TRAF3IP3: variants seen among roughly 807,000 people sequenced by gnomAD.
TRAF3IP3 encodes TRAF3 interacting protein 3, also known as TRAF3-interacting JNK-activating modulator.
Under a neutral mutation model 86.5 loss-of-function variants are expected in TRAF3IP3, and 64 were observed. The ratio of observed to expected loss-of-function variants is 0.74; its 90% CI spans 0.60 to 0.91. TRAF3IP3 has a LOEUF of 0.91. Among genes scored for constraint, TRAF3IP3 ranks in the 40% least tolerant of loss-of-function variants. The pLI is 0.00. For synonymous variants in TRAF3IP3, 220 were observed against 243.9 expected, an observed-to-expected ratio of 0.90 and a Z score of 0.91; for missense variants, 579 against 642.9, an observed-to-expected ratio of 0.90 and a Z score of 1.07.
At chr1:209,764,362 G>T (rs76231148) in intron 8 of TRAF3IP3, among the ~76,000 whole-genome samples, 1,632 of 152,296 alleles carry the variant, frequency 0.011, 28 homozygotes, top group African/African-American at 0.036. Context: ...CTCCAGAGAA[G>T]AAAAGAGCCA....
chr1:209,758,710 C>T (rs2294407), intron 1 of TRAF3IP3: 21,223 of 152,138 alleles, frequency 0.14, 1,832 homozygotes, highest in East Asian at 0.22. Context: ...AGGGGGAGTC[C>T]CTCTTCCTTC....
chr1:209,781,872 G>A (rs1170255741), intron 16 of TRAF3IP3, 184 bp from the exon 17 acceptor site: 2 of 589,448 alleles, frequency 3.4e-6, no homozygotes, highest in African/African-American at 1.9e-5. Context: ...CTGGGCCAGA[G>A]AACATTGGTT....
chr1:209,777,686 GTAGA>G, intron 12 of TRAF3IP3, 199 bp downstream of exon 12: 1 of 572,094 alleles, frequency 1.7e-6, no homozygotes, highest in Non-Finnish European at 3.0e-6. Context: ...TTTCACTGTA[GTAGA>G]TAGAGTATCT....
chr1:209,768,112 A>G (rs573177555), intron 8 of TRAF3IP3: 29 of 984,644 alleles, frequency 2.9e-5, no homozygotes, highest in Middle Eastern at 5.2e-4. Context: ...CTCAACTCCA[A>G]TAAAAGTATA....
intron 15 of TRAF3IP3, 41 bp from the exon 16 acceptor site, chr1:209,781,304 G>C (rs2077773720): frequency 6.9e-7 from 1 of 1,446,818 alleles, no homozygotes. Context: ...CTCTGTCCTA[G>C]ACAGAAGTGA....
In TRAF3IP3 at chr1:209,778,096, T is replaced by A. The variant is rs2077696814; in HGVS notation, c.1190-15T>A. On this transcript the variant is annotated splice_polypyrimidine_tract_variant and intron_variant, in intron 12 of 16. Coordinates refer to ENST00000367025, the MANE Select transcript of TRAF3IP3 (RefSeq NM_025228.4). ...TTGGGTTCCTTTATTTTGGCTTGCA[T>A]TATTGCATTTTCAGATCAACTAAAA... The A allele has an allele frequency of 6.2e-7, 1 of 1,613,260 alleles. No homozygotes were observed. The highest frequency in any genetic ancestry group is 1.7e-5 in the Admixed American group (1 of 59,976).
At chr1:209,764,940 T>C (rs112886464) in intron 8 of TRAF3IP3, among the ~76,000 whole-genome samples, 4 of 151,718 alleles carry the variant, frequency 2.6e-5, no homozygotes, top group African/African-American at 9.7e-5. Context: ...TTTGGAAGGC[T>C]GATGCAGGAA....
chr1:209,770,660 G>GGT (rs562221009), intron 8 of TRAF3IP3, among the ~76,000 whole-genome samples: 4 of 142,064 alleles, frequency 2.8e-5, no homozygotes, highest in Non-Finnish European at 4.6e-5. Flanking sequence ...TGCATGTGAA[G>GGT]GTGTGTGTGT....
chr1:209,777,341 C>T lies in TRAF3IP3; in HGVS notation c.1054-11C>T, dbSNP rs1369648170. On this transcript the variant is annotated splice_polypyrimidine_tract_variant and intron_variant, in intron 11 of 16. Coordinates refer to ENST00000367025, the MANE Select transcript of TRAF3IP3 (RefSeq NM_025228.4). ...ACCTCCTTCTATATTGGCCCTTCCT[C>T]CTCCTTACAGGGAGCAGATAGCAGG... is the stretch of plus-strand genomic sequence containing the variant. 3.7e-6 allele frequency: 6 copies of T among 1,612,136 alleles called. No homozygotes were observed. Among genetic ancestry groups the T allele is most frequent in the South Asian group, 2.2e-5 (2 of 90,902 alleles).
At chr1:209,765,227 G>GAGGAAGGAAGGAAGGAAGGA (rs60018350) in intron 8 of TRAF3IP3, among the ~76,000 whole-genome samples, 4 of 58,292 alleles carry the variant, frequency 6.9e-5, no homozygotes, top group East Asian at 9.4e-4. Context: ...GAGAGAGAGA[G>GAGGAAGGAAGGAAGGAAGGA]AGGAAGGAAG....
intron 8 of TRAF3IP3, among the ~76,000 whole-genome samples, chr1:209,767,741 C>T (rs761317665): frequency 2.0e-5 from 3 of 151,726 alleles, no homozygotes; most frequent in Non-Finnish European, 2.9e-5. Context: ...ACCCTGGCTC[C>T]AAGCAGGGGT....
At position 209,781,368 on chromosome 1, in the gene TRAF3IP3, A is replaced by G. The variant is rs762274221; in HGVS notation, c.1473A>G (p.Leu491=). ...EKECRELHSE[L]DNLSDEYLSC... ...AGTGCAGAGAACTGCATTCAGAATTAGACAACCTCAGTGACGAGTATCTCT... is the reference window on the plus strand; with the variant it reads ...AGTGCAGAGAACTGCATTCAGAATTGGACAACCTCAGTGACGAGTATCTCT... The change falls in exon 16 of 17, where the codon TTA becomes TTG. Residue 491 remains leucine, a synonymous_variant. Transcript: ENST00000367025. 3 of 1,613,050 alleles carry G rather than the reference A, an allele frequency of 1.9e-6. No homozygotes were observed. The highest frequency in any genetic ancestry group is 2.2e-5 in the East Asian group (1 of 44,852).
chr1:209,759,948 C>A, intron 2 of TRAF3IP3, 34 bp from the exon 3 acceptor site: 2 of 1,061,924 alleles, frequency 1.9e-6, no homozygotes, highest in South Asian at 2.8e-5. Flanking sequence ...ATCTTCTGAC[C>A]CCTCCCCTTC....
At chr1:209,778,030 C>T in intron 12 of TRAF3IP3, 81 bp from the exon 13 acceptor site, 1 of 1,204,326 alleles carries the variant, frequency 8.3e-7, no homozygotes, top group Non-Finnish European at 1.2e-6. Flanking sequence ...AAGACAGCAT[C>T]TATTACTAAT....
chr1:209,780,818 T>C lies in TRAF3IP3; in HGVS notation c.1449+212T>C, dbSNP rs546800922. 3.1e-5 allele frequency: 11 copies of C among 349,412 alleles called. No homozygotes were observed. In the South Asian group the frequency reaches 9.7e-4, roughly 31 times the overall value. The allele number at this position is 349,412 out of a possible 1,614,324, so 21.6% of individuals were successfully genotyped here. A position where few individuals can be genotyped will look rare whatever the true frequency, so the allele number is the denominator to read the frequency against. ...AACTCCTATTCAAGGTTTTATTAAATGATTACCTTTTAGAAAGTCGACCAA... is the reference window on the plus strand; with the variant it reads ...AACTCCTATTCAAGGTTTTATTAAACGATTACCTTTTAGAAAGTCGACCAA... On this transcript the variant is annotated intron_variant, in intron 15 of 16. Transcript: ENST00000367025.
chr1:209,775,300 G>T (rs2077627918), intron 9 of TRAF3IP3, 49 bp from the exon 10 acceptor site: 2 of 1,540,260 alleles, frequency 1.3e-6, no homozygotes, highest in South Asian at 2.4e-5. Flanking sequence ...CTCAGGATTT[G>T]GCACACAGAA....
rs1478105199 is a variant in TRAF3IP3 at position 209,779,120 on chromosome 1, G to T, written c.1253-195G>T. The T allele has an allele frequency of 8.4e-6, 5 of 597,372 alleles. No individual in the cohort carries two copies. The Admixed American group carries it at 9.2e-5, about 11-fold the overall frequency. The allele number at this position is 597,372 out of a possible 1,614,324, so 37.0% of individuals were successfully genotyped here. ...CATTTTAACTTGATTATCTTTTAAA[G>T]AATCTATCTCCAAATAAGGTCATTA... On this transcript the variant is annotated intron_variant, in intron 13 of 16. Transcript: ENST00000367025.
At chr1:209,766,890 C>T (rs2077367580) in intron 8 of TRAF3IP3, among the ~76,000 whole-genome samples, 1 of 152,076 alleles carries the variant, frequency 6.6e-6, no homozygotes, top group South Asian at 2.1e-4. Context: ...GGAAAGAAAC[C>T]ATTTTAGCTG....
intron 9 of TRAF3IP3, among the ~76,000 whole-genome samples, chr1:209,773,479 C>T (rs1385425565): frequency 2.0e-5 from 3 of 152,226 alleles, no homozygotes; most frequent in Non-Finnish European, 2.9e-5. Flanking sequence ...AATGTAAAAG[C>T]TCTTTTACTT....
Sources: allele counts gnomAD v4.1 joint callset (sites outside exome capture counted in the v4.1 genomes callset), GRCh38; gene constraint gnomAD v4.1.1; transcripts MANE v1.5; gene names NCBI Gene and HGNC (gene_info 2026-07-23, HGNC 2026-07-21).